The following PTPRD variants were observed in gnomAD, a reference collection of about 807,000 sequenced individuals.
PTPRD encodes the protein receptor-type tyrosine-protein phosphatase delta.
In PTPRD, 34 loss-of-function variants were observed where a neutral mutation model predicts 214.5. That is an observed-to-expected ratio of 0.16 (90% CI 0.12 to 0.21). PTPRD has a LOEUF of 0.21. PTPRD is among the 10% of genes least tolerant of loss of function. PTPRD has a pLI of 1.00. For missense variants in PTPRD, 2,545 were observed against 2,398.7 expected, an observed-to-expected ratio of 1.06 and a Z score of -1.27; for synonymous variants, 1,128 against 845.7, an observed-to-expected ratio of 1.33 and a Z score of -5.79.
intron 2 of PTPRD, among the ~76,000 whole-genome samples, chr9:10,401,110 G>C (rs1202542364): frequency 6.6e-6 from 1 of 151,494 alleles, no homozygotes; most frequent in South Asian, 2.1e-4. Flanking sequence ...TCCTCAGTTA[G>C]GTACCTTACT....
chr9:9,332,298 T>G (rs2042615838), intron 9 of PTPRD, among the ~76,000 whole-genome samples: 1 of 152,018 alleles, frequency 6.6e-6, no homozygotes, highest in African/African-American at 2.4e-5. Flanking sequence ...TCATGCATAT[T>G]TTTATATTCA....
chr9:9,944,579 A>G (rs2092262766), intron 4 of PTPRD, among the ~76,000 whole-genome samples: 1 of 152,130 alleles, frequency 6.6e-6, no homozygotes, highest in Admixed American at 6.6e-5. Context: ...GACCTGAAGG[A>G]AAAAAGGGAG....
chr9:9,120,461 A>C (rs1262079509), intron 10 of PTPRD, among the ~76,000 whole-genome samples: 2 of 152,232 alleles, frequency 1.3e-5, no homozygotes, highest in African/African-American at 2.4e-5. Context: ...TCCTGTATAC[A>C]TACGTGACAT....
At chr9:9,631,195 AAATAAATAAAT>A (rs2095579109) in intron 7 of PTPRD, among the ~76,000 whole-genome samples, 3 of 86,730 alleles carry the variant, frequency 3.5e-5, no homozygotes, top group Non-Finnish European at 1.0e-4. Context: ...TCTCATTCAT[AAATAAATAAAT>A]AAATAAATAA....
At chr9:10,227,340 A>G (rs2099592249) in intron 3 of PTPRD, among the ~76,000 whole-genome samples, 1 of 152,046 alleles carries the variant, frequency 6.6e-6, no homozygotes, top group African/African-American at 2.4e-5. Flanking sequence ...AAGTTGGATT[A>G]AAAATATGTT....
Position 9,129,178 on chromosome 9 carries a change from T to A in PTPRD, c.-143+54126A>T, listed in dbSNP as rs562748295. 1.1e-4 allele frequency among the ~76,000 whole-genome samples: 16 copies of A among 152,184 alleles called. No homozygotes were observed. The East Asian group carries it at 2.7e-3, about 26-fold the overall frequency. ...GCCGAGGCGGGTTGATCACCTGAGG[T>A]CAGGAGTTTGAGACCCACCTGGCCA... On this transcript the variant is annotated intron_variant, in intron 10 of 45. Coordinates refer to ENST00000381196, the MANE Select transcript of PTPRD (RefSeq NM_002839.4).
chr9:10,073,544 A>G (rs2154181674), intron 3 of PTPRD, among the ~76,000 whole-genome samples: 1 of 152,266 alleles, frequency 6.6e-6, no homozygotes, highest in Middle Eastern at 3.4e-3. Context: ...TTTAGTTAAT[A>G]AAAGAGAAAG....
intron 2 of PTPRD, among the ~76,000 whole-genome samples, chr9:10,543,740 C>A (rs2059639557): frequency 1.3e-5 from 2 of 152,134 alleles, no homozygotes; most frequent in Non-Finnish European, 2.9e-5. Flanking sequence ...GGCTCTGGTG[C>A]CAAGAGCTAT....
chr9:10,552,984 T>C (rs2061672263), intron 2 of PTPRD, among the ~76,000 whole-genome samples: 1 of 152,192 alleles, frequency 6.6e-6, no homozygotes, highest in Admixed American at 6.5e-5. Context: ...CTATTTGTCC[T>C]AGGGTAGATT....
At chr9:9,726,023 T>C (rs2098084165) in intron 7 of PTPRD, among the ~76,000 whole-genome samples, 1 of 152,178 alleles carries the variant, frequency 6.6e-6, no homozygotes, top group African/African-American at 2.4e-5. Context: ...TATGAATGTT[T>C]GAAACAGTAT....
At chr9:8,557,941 T>A (rs1466352186) in intron 14 of PTPRD, among the ~76,000 whole-genome samples, 2 of 152,036 alleles carry the variant, frequency 1.3e-5, no homozygotes, top group Non-Finnish European at 2.9e-5. Flanking sequence ...TACTCTAATT[T>A]TTTTGTCTCC....
At chr9:10,320,313 A>G (rs987484497) in intron 3 of PTPRD, among the ~76,000 whole-genome samples, 15 of 152,012 alleles carry the variant, frequency 9.9e-5, no homozygotes, top group African/African-American at 2.9e-4. Context: ...AGCTGAGGGG[A>G]AAAAAAGCTG....
chr9:9,970,398 C>T (rs547883206), intron 4 of PTPRD, among the ~76,000 whole-genome samples: 2 of 131,250 alleles, frequency 1.5e-5, no homozygotes, highest in Admixed American at 1.7e-4. Context: ...TGCAGTGAGC[C>T]GAGAGCCTGG....
chr9:9,019,976 A>G (rs1334624082), intron 10 of PTPRD, among the ~76,000 whole-genome samples: 3 of 152,114 alleles, frequency 2.0e-5, no homozygotes, highest in Non-Finnish European at 4.4e-5. Flanking sequence ...TCATTTGTGT[A>G]AATTCCTAGA....
intron 10 of PTPRD, among the ~76,000 whole-genome samples, chr9:9,143,603 G>A (rs1293192915): frequency 6.6e-6 from 1 of 152,178 alleles, no homozygotes; most frequent in East Asian, 1.9e-4. Flanking sequence ...AACAGTCACA[G>A]GAGATCATCC....
chr9:9,416,372 T>G (rs1353913425), intron 8 of PTPRD, among the ~76,000 whole-genome samples: 2 of 152,190 alleles, frequency 1.3e-5, no homozygotes, highest in Non-Finnish European at 2.9e-5. Flanking sequence ...CTCTCCCACT[T>G]AATAGCTGTG....
intron 11 of PTPRD, among the ~76,000 whole-genome samples, chr9:8,895,310 CTCTA>C (rs59421605): frequency 0.03 from 4,539 of 152,250 alleles, 204 homozygotes; most frequent in African/African-American, 0.098. Flanking sequence ...GTCTGGCATT[CTCTA>C]TCTTTTTGGT....
intron 6 of PTPRD, 68 bp from the exon 7 acceptor site, chr9:9,734,639 A>T (rs972877410): frequency 2.6e-5 from 4 of 152,118 alleles, no homozygotes; most frequent in Non-Finnish European, 5.9e-5. Flanking sequence ...ATAGACAATA[A>T]AATGCTATAA....
intron 2 of PTPRD, among the ~76,000 whole-genome samples, chr9:10,431,807 G>A (rs1380901786): frequency 6.6e-6 from 1 of 152,078 alleles, no homozygotes; most frequent in Non-Finnish European, 1.5e-5. Context: ...AGAGGATGTG[G>A]AGAAATAGGA....
Sources: allele counts gnomAD v4.1 joint callset (sites outside exome capture counted in the v4.1 genomes callset), GRCh38; gene constraint gnomAD v4.1.1; transcripts MANE v1.5; gene names NCBI Gene and HGNC (gene_info 2026-07-23, HGNC 2026-07-21).